The following PCDHGA4 variants were observed in gnomAD, a reference collection of about 807,000 sequenced individuals.
PCDHGA4 encodes protocadherin gamma subfamily A, 4.
Under a neutral mutation model 54.6 loss-of-function variants are expected in PCDHGA4, and 38 were observed. The ratio of observed to expected loss-of-function variants is 0.70; its 90% CI spans 0.54 to 0.91. The LOEUF (loss-of-function observed/expected upper bound fraction) is 0.91, where lower values mean the gene tolerates loss of function less well. Among genes scored for constraint, PCDHGA4 ranks in the 40% least tolerant of loss-of-function variants. The pLI, the probability that PCDHGA4 is intolerant of heterozygous loss-of-function variation, is 0.00. For missense variants in PCDHGA4, 1,298 were observed against 1,220.9 expected, an observed-to-expected ratio of 1.06 and a Z score of -0.94; for synonymous variants, 511 against 512.9, an observed-to-expected ratio of 1.00 and a Z score of 0.05.
At chr5:141,400,052 T>C in intron 1 of PCDHGA4, 1 of 1,613,686 alleles carries the variant, frequency 6.2e-7, no homozygotes, top group Non-Finnish European at 8.5e-7. Context: ...CTGGTTGCTG[T>C]GCGTGATGGT....
intron 1 of PCDHGA4, among the ~76,000 whole-genome samples, chr5:141,463,527 G>C (rs12109431): frequency 1.5e-5 from 2 of 131,102 alleles, no homozygotes; most frequent in Non-Finnish European, 3.1e-5. Context: ...CGGCTTACTA[G>C]AAACTCCGGC....
intron 1 of PCDHGA4, chr5:141,403,960 G>T (rs775638627): frequency 1.9e-6 from 3 of 1,613,776 alleles, no homozygotes; most frequent in South Asian, 2.2e-5. Context: ...TGCTCATTTC[G>T]GTGGAAGATG....
chr5:141,415,740 G>GTTTTTTTTTTTTTTTTTTTT (rs57426385), intron 1 of PCDHGA4: 5 of 625,024 alleles, frequency 8.0e-6, no homozygotes, highest in African/African-American at 5.0e-5. Flanking sequence ...GTTTATTAAG[G>GTTTTTTTTTTTTTTTTTTTT]TTTTTTTTTT....
At chr5:141,460,132 T>TAAAA in intron 1 of PCDHGA4, among the ~76,000 whole-genome samples, 1 of 152,036 alleles carries the variant, frequency 6.6e-6, no homozygotes, top group South Asian at 2.1e-4. Context: ...GTAATATATA[T>TAAAA]ATTCTTGATG....
At chr5:141,499,168 C>T (rs1169979036) in intron 2 of PCDHGA4, among the ~76,000 whole-genome samples, 3 of 152,184 alleles carry the variant, frequency 2.0e-5, no homozygotes, top group African/African-American at 7.2e-5. Context: ...GTCTCAAGCT[C>T]TGAGCCCAGC....
chr5:141,389,006 C>G, intron 1 of PCDHGA4: 1 of 1,613,986 alleles, frequency 6.2e-7, no homozygotes, highest in South Asian at 1.1e-5. Context: ...ACAAGGATTC[C>G]AGACACAATG....
chr5:141,507,023 C>T (rs971356315), intron 3 of PCDHGA4: 16 of 152,348 alleles, frequency 1.1e-4, no homozygotes, highest in African/African-American at 2.4e-4. Flanking sequence ...AAGGCACTTG[C>T]CCCAGGGTCC....
intron 1 of PCDHGA4, chr5:141,419,639 G>A (rs1478835703): frequency 6.2e-7 from 1 of 1,612,442 alleles, no homozygotes; most frequent in African/African-American, 1.3e-5. Flanking sequence ...GGTGGTGGCC[G>A]TGGACGCGGA....
chr5:141,498,672 C>T (rs1034911993), intron 2 of PCDHGA4, among the ~76,000 whole-genome samples: 3 of 152,218 alleles, frequency 2.0e-5, no homozygotes, highest in South Asian at 4.1e-4. Context: ...TGGCTCACGC[C>T]TGTAATCCCA....
intron 1 of PCDHGA4, among the ~76,000 whole-genome samples, chr5:141,464,417 A>C (rs2099083685): frequency 6.6e-6 from 1 of 151,564 alleles, no homozygotes; most frequent in African/African-American, 2.4e-5. Flanking sequence ...ATATATATCT[A>C]TATATATAGA....
intron 1 of PCDHGA4, chr5:141,375,663 A>G: frequency 6.2e-7 from 1 of 1,614,108 alleles, no homozygotes; most frequent in South Asian, 1.1e-5. Context: ...CAGTTGAGAG[A>G]CCTACAGCTG....
rs763303627 is a variant in PCDHGA4 at position 141,489,719 on chromosome 5, C to T, written c.2515-5088C>T. The T allele has an allele frequency of 1.4e-5, 22 of 1,613,946 alleles. No homozygotes were observed. The highest frequency in any genetic ancestry group is 9.3e-5 in the African/African-American group (7 of 74,924). On this transcript the variant is annotated intron_variant, in intron 1 of 3. Coordinates refer to ENST00000571252, the MANE Select transcript of PCDHGA4 (RefSeq NM_018917.4). The surrounding 1 kb of genome is among the most constrained non-coding windows in gnomAD (Gnocchi z 4.5). ...TTCCCACTGGACAGTGCCCAGGATCCGGATGTGGGCACCAATACTGTGAGC... is the reference window on the plus strand; with the variant it reads ...TTCCCACTGGACAGTGCCCAGGATCTGGATGTGGGCACCAATACTGTGAGC...
intron 1 of PCDHGA4, chr5:141,359,926 C>T: frequency 2.2e-6 from 1 of 454,778 alleles, no homozygotes; most frequent in Non-Finnish European, 3.7e-6. Flanking sequence ...CCTGAGAAAA[C>T]CTCTGAGCGT....
chr5:141,490,363 C>A lies in PCDHGA4; in HGVS notation c.2515-4444C>A. The A allele has an allele frequency of 6.2e-7, 1 of 1,614,154 alleles. No individual in the cohort carries two copies. Among genetic ancestry groups the A allele is most frequent in the South Asian group, 1.1e-5 (1 of 91,078 alleles). On this transcript the variant is annotated intron_variant, in intron 1 of 3. Coordinates refer to ENST00000571252, the MANE Select transcript of PCDHGA4 (RefSeq NM_018917.4). The surrounding 1 kb of genome is among the most constrained non-coding windows in gnomAD (Gnocchi z 5.4). Reference sequence around the variant, plus strand: ...CACAGTAGTGGGGTTGTTTAATGTGCGAGACCGGGACTCAGGTAGAAATGG... The same window carrying A: ...CACAGTAGTGGGGTTGTTTAATGTGAGAGACCGGGACTCAGGTAGAAATGG...
intron 1 of PCDHGA4, chr5:141,375,877 G>C (rs752155500): frequency 3.1e-6 from 5 of 1,613,794 alleles, no homozygotes; most frequent in South Asian, 1.1e-5. Flanking sequence ...ACAGAGACTC[G>C]GGCCAGAACG....
intron 1 of PCDHGA4, among the ~76,000 whole-genome samples, chr5:141,455,580 T>C (rs572453788): frequency 6.6e-6 from 1 of 152,142 alleles, no homozygotes; most frequent in East Asian, 1.9e-4. Flanking sequence ...ACCCCAGCCT[T>C]TTAATATGCA....
At chr5:141,390,674 T>C (rs1389887545) in intron 1 of PCDHGA4, 1 of 189,116 alleles carries the variant, frequency 5.3e-6, no homozygotes, top group East Asian at 1.5e-4. Flanking sequence ...ATAAAAATAA[T>C]AAAGCCAAAG....
chr5:141,389,058 A>G, intron 1 of PCDHGA4: 2 of 1,614,020 alleles, frequency 1.2e-6, no homozygotes, highest in Non-Finnish European at 1.7e-6. Flanking sequence ...TCCATTTAAA[A>G]TATTAACTTC....
At chr5:141,400,154 T>G in intron 1 of PCDHGA4, 1 of 1,614,076 alleles carries the variant, frequency 6.2e-7, no homozygotes, top group Non-Finnish European at 8.5e-7. Context: ...GACCGCCCTG[T>G]ACCCTCTGAC....
Sources: allele counts gnomAD v4.1 joint callset (sites outside exome capture counted in the v4.1 genomes callset), GRCh38; gene constraint gnomAD v4.1.1; non-coding constraint Gnocchi (gnomAD v3.1); transcripts MANE v1.5; gene names NCBI Gene and HGNC (gene_info 2026-07-23, HGNC 2026-07-21).